The following KIF3B variants were observed in gnomAD, a reference collection of about 807,000 sequenced individuals.
The protein encoded by KIF3B is kinesin family member 3B.
A neutral mutation model predicts 74.3 loss-of-function variants in KIF3B; 38 were observed. The observed-to-expected ratio is 0.51, with a 90% CI of 0.39 to 0.67. The LOEUF is 0.67. Among genes scored for constraint, KIF3B ranks in the 30% least tolerant of loss-of-function variants. The probability of loss-of-function intolerance (pLI) is 0.00; values close to 1 mark genes in which losing one functional copy is unlikely to be tolerated. For synonymous variants in KIF3B, 326 were observed against 342.5 expected, an observed-to-expected ratio of 0.95 and a Z score of 0.53; for missense variants, 649 against 932.0, an observed-to-expected ratio of 0.70 and a Z score of 3.95.
intron 1 of KIF3B, among the ~76,000 whole-genome samples, chr20:32,304,517 G>C (rs1211805671): frequency 6.6e-6 from 1 of 152,138 alleles, no homozygotes; most frequent in Non-Finnish European, 1.5e-5. Context: ...TTTCACAGCA[G>C]AATATCAGAA....
At chr20:32,285,488 T>C (rs993203499) in intron 1 of KIF3B, among the ~76,000 whole-genome samples, 5 of 152,176 alleles carry the variant, frequency 3.3e-5, no homozygotes, top group African/African-American at 1.2e-4. Context: ...ACACCTCCTG[T>C]CTTTCTAGAC....
At chr20:32,331,146 T>A in intron 8 of KIF3B, 77 bp from the exon 9 acceptor site, 2 of 1,045,962 alleles carry the variant, frequency 1.9e-6, no homozygotes, top group Non-Finnish European at 2.9e-6. Flanking sequence ...TGGCCTGAAA[T>A]GAAATGTTAA....
At chr20:32,280,232 T>A (rs1238588997) in intron 1 of KIF3B, among the ~76,000 whole-genome samples, 1 of 152,224 alleles carries the variant, frequency 6.6e-6, no homozygotes. Context: ...TTTAACGTGG[T>A]GCTTGTGCTG....
chr20:32,280,235 T>C (rs555264667), intron 1 of KIF3B, among the ~76,000 whole-genome samples: 1 of 152,342 alleles, frequency 6.6e-6, no homozygotes, highest in East Asian at 1.9e-4. Context: ...AACGTGGTGC[T>C]TGTGCTGTAT....
chr20:32,291,250 T>A (rs1056389649), intron 1 of KIF3B, among the ~76,000 whole-genome samples: 2 of 152,196 alleles, frequency 1.3e-5, no homozygotes, highest in African/African-American at 4.8e-5. Flanking sequence ...AAATTTTATA[T>A]TATGTGGGGT....
intron 1 of KIF3B, among the ~76,000 whole-genome samples, chr20:32,293,397 AGACCAGCCTGGG>A (rs1225403227): frequency 6.6e-6 from 1 of 151,904 alleles, no homozygotes; most frequent in African/African-American, 2.4e-5. Context: ...CAGGAGTTTG[AGACCAGCCTGGG>A]GACCAGCCTG....
chr20:32,309,288 C>T (rs1303331930), intron 1 of KIF3B, among the ~76,000 whole-genome samples: 2 of 151,764 alleles, frequency 1.3e-5, no homozygotes, highest in African/African-American at 4.8e-5. Flanking sequence ...TGGCTTCAGC[C>T]TCCTAAAATG....
At position 32,333,743 on chromosome 20, in the gene KIF3B, A is replaced by G. The variant is rs2047942569; in HGVS notation, c.*2424A>G. ...GTGACTCTTCTGACCAAGGGTGGTT[A>G]AGTGACACATAGAACTTTTCTAAGA... On this transcript the variant is annotated 3_prime_UTR_variant, in exon 9 of 9. Coordinates refer to ENST00000375712, the MANE Select transcript of KIF3B (RefSeq NM_004798.4). 1 of 152,018 alleles carries G rather than the reference A, an allele frequency of 6.6e-6. No individual in the cohort carries two copies. The highest frequency in any genetic ancestry group is 1.5e-5 in the Non-Finnish European group (1 of 68,022). 9.4% of individuals were successfully genotyped at this position (152,018 alleles called of 1,614,324 possible). A position where few individuals can be genotyped will look rare whatever the true frequency, so the allele number is the denominator to read the frequency against.
intron 1 of KIF3B, among the ~76,000 whole-genome samples, chr20:32,298,578 A>T (rs542483400): frequency 1.8e-4 from 28 of 152,284 alleles, no homozygotes; most frequent in African/African-American, 6.7e-4. Flanking sequence ...TATCCTTCCC[A>T]TCTCTACTCC....
At position 32,311,135 on chromosome 20, in the gene KIF3B, T is replaced by C; in HGVS notation, c.1358T>C (p.Leu453Pro). ...GAGAAAGAGAAAAAGATGGAGGACC[T>C]GCGGCGGGAGAAGGATGCTGCCGAG... is the stretch of plus-strand genomic sequence containing the variant. Reference protein sequence around the residue: ...LKEKEKKMEDLRREKDAAEML... With the variant: ...LKEKEKKMEDPRREKDAAEML... Residue 453 changes from leucine to proline, a missense_variant, in exon 2 of 9, where the codon CTG becomes CCG. Leu to Pro is a moderately conservative substitution (Grantham distance 98, BLOSUM62 -3). Around this residue, in one of 4 missense-constraint regions of KIF3B, gnomAD observed 363 missense variants for 592.8 expected, o/e 0.61. Coordinates refer to ENST00000375712, the MANE Select transcript of KIF3B (RefSeq NM_004798.4). 1 of 1,612,678 alleles carries C rather than the reference T, an allele frequency of 6.2e-7. No homozygotes were observed. The highest frequency in any genetic ancestry group is 1.1e-5 in the South Asian group (1 of 90,804).
chr20:32,278,431 G>T (rs1460611990), intron 1 of KIF3B, among the ~76,000 whole-genome samples: 1 of 152,174 alleles, frequency 6.6e-6, no homozygotes, highest in African/African-American at 2.4e-5. Flanking sequence ...TTGGCACATA[G>T]TAAGTGCTCA....
intron 1 of KIF3B, among the ~76,000 whole-genome samples, chr20:32,278,371 G>A (rs1006225460): frequency 6.6e-6 from 1 of 152,132 alleles, no homozygotes; most frequent in African/African-American, 2.4e-5. Flanking sequence ...TCTGTGAAAT[G>A]AGGTAATAGA....
At chr20:32,296,488 T>C (rs2047717730) in intron 1 of KIF3B, among the ~76,000 whole-genome samples, 2 of 151,916 alleles carry the variant, frequency 1.3e-5, no homozygotes, top group South Asian at 2.1e-4. Flanking sequence ...CCATCCCAGC[T>C]ACTCGGGAGG....
intron 1 of KIF3B, among the ~76,000 whole-genome samples, chr20:32,290,898 T>C (rs2047688225): frequency 6.6e-6 from 1 of 150,628 alleles, no homozygotes; most frequent in Non-Finnish European, 1.5e-5. Flanking sequence ...AAAGAAAATA[T>C]ATATAGTGCA....
At chr20:32,311,280 C>T (rs1156995954) in intron 2 of KIF3B, 99 bp downstream of exon 2, 1 of 1,337,668 alleles carries the variant, frequency 7.5e-7, no homozygotes, top group Non-Finnish European at 1.0e-6. Context: ...GATGATGTCT[C>T]TCATCAGTTT....
intron 5 of KIF3B, among the ~76,000 whole-genome samples, chr20:32,323,929 A>G (rs1346600151): frequency 6.6e-6 from 1 of 151,862 alleles, no homozygotes; most frequent in Non-Finnish European, 1.5e-5. Context: ...GAAAAGACTG[A>G]ATCAGATAGC....
intron 1 of KIF3B, among the ~76,000 whole-genome samples, chr20:32,294,293 T>A (rs1450537398): frequency 6.6e-6 from 1 of 152,204 alleles, no homozygotes; most frequent in African/African-American, 2.4e-5. Context: ...TGGCGCCAGT[T>A]TGAATTCAGG....
At chr20:32,295,854 CTTT>C (rs66566110) in intron 1 of KIF3B, among the ~76,000 whole-genome samples, 42 of 110,844 alleles carry the variant, frequency 3.8e-4, no homozygotes, top group Admixed American at 8.7e-4. Flanking sequence ...TTTTTATTAT[CTTT>C]TTTTTTTTTT....
rs1312935136 is a variant in KIF3B, at chr20:32,334,560, A to G, written c.*3241A>G. On this transcript the variant is annotated 3_prime_UTR_variant, in exon 9 of 9. Transcript: ENST00000375712. ...CACTTGAGGTTGAGGCGTACTGGAG[A>G]CAACACCTCAGACCATCTGAACCCC... 1 of 152,610 alleles carries G rather than the reference A, an allele frequency of 6.6e-6. No individual in the cohort carries two copies. The highest frequency in any genetic ancestry group is 6.6e-5 in the Admixed American group (1 of 15,262). The allele number at this position is 152,610 out of a possible 1,614,324, so 9.5% of individuals were successfully genotyped here. A position where few individuals can be genotyped will look rare whatever the true frequency, so the allele number is the denominator to read the frequency against.
Sources: allele counts gnomAD v4.1 joint callset (sites outside exome capture counted in the v4.1 genomes callset), GRCh38; gene constraint gnomAD v4.1.1; regional missense constraint gnomAD v4.1.1; transcripts MANE v1.5; gene names NCBI Gene and HGNC (gene_info 2026-07-23, HGNC 2026-07-21).